The following NRXN1 variants were observed in gnomAD, a reference collection of about 807,000 sequenced individuals.
NRXN1 encodes neurexin-1.
Under a neutral mutation model 150.9 loss-of-function variants are expected in NRXN1, and 39 were observed. The observed-to-expected ratio is 0.26, with a 90% confidence interval of 0.20 to 0.34. NRXN1 has a LOEUF of 0.34. Ranked by LOEUF, NRXN1 falls within the 10% of genes least tolerant of loss-of-function variation. The pLI is 1.00. For synonymous variants in NRXN1, 924 were observed against 757.0 expected (o/e 1.22, Z -3.62); for missense variants, 1,815 against 1,949.9 (o/e 0.93, Z 1.30).
chr2:50,622,960 T>G (rs139607006), intron 6 of NRXN1, among the ~76,000 whole-genome samples: 26 of 152,244 alleles, frequency 1.7e-4, no homozygotes, highest in African/African-American at 6.0e-4. Flanking sequence ...GACCCCAATG[T>G]GCATGCTTCC....
intron 5 of NRXN1, among the ~76,000 whole-genome samples, chr2:50,910,567 T>C (rs545663597): frequency 3.3e-5 from 5 of 151,926 alleles, no homozygotes; most frequent in African/African-American, 7.2e-5. Context: ...GCATCTTTCA[T>C]GTACCAAGCT....
intron 5 of NRXN1, among the ~76,000 whole-genome samples, chr2:50,819,123 T>C (rs974236514): frequency 6.6e-6 from 1 of 152,128 alleles, no homozygotes; most frequent in African/African-American, 2.4e-5. Context: ...TGGAGGTTCC[T>C]CAAACAATTA....
intron 18 of NRXN1, among the ~76,000 whole-genome samples, chr2:50,152,714 T>C (rs1345774604): frequency 2.0e-5 from 3 of 151,836 alleles, no homozygotes; most frequent in African/African-American, 7.2e-5. Context: ...AAGGATGACA[T>C]GTATGAATGA....
At position 51,027,944 on chromosome 2, in the gene NRXN1, G is replaced by C; in HGVS notation, c.330C>G (p.Asn110Lys). Reference sequence around the variant, plus strand: ...TGCGCACGCTGTGCCAGGCGCCGTCGTTAACCGGCGTGTCGGCCAGGAGCG... The same window carrying C: ...TGCGCACGCTGTGCCAGGCGCCGTCCTTAACCGGCGTGTCGGCCAGGAGCG... ...PATLLADTPV[N>K]DGAWHSVRIR... Residue 110 changes from asparagine (N) to lysine (K), a missense_variant, in exon 2 of 23, where the codon AAC (asparagine) becomes AAG (lysine). This residue lies in a region of NRXN1 where 554 missense variants were observed against 478.8 expected (regional missense o/e 1.16). Coordinates refer to ENST00000401669, the MANE Select transcript of NRXN1 (RefSeq NM_001330078.2). 6.2e-7 allele frequency: 1 copy of C among 1,603,718 alleles called. No homozygotes were observed. Among genetic ancestry groups the C allele is most frequent in the Non-Finnish European group, 8.5e-7 (1 of 1,179,600 alleles).
chr2:50,628,623 T>C (rs1681639301), intron 5 of NRXN1, among the ~76,000 whole-genome samples: 1 of 151,652 alleles, frequency 6.6e-6, no homozygotes, highest in Non-Finnish European at 1.5e-5. Context: ...AGCAGCAGAG[T>C]GTTTACATAT....
chr2:50,403,752 A>G (rs1286564443), intron 17 of NRXN1, among the ~76,000 whole-genome samples: 3 of 152,094 alleles, frequency 2.0e-5, no homozygotes, highest in Non-Finnish European at 4.4e-5. Flanking sequence ...CACATTTTAT[A>G]TTTGCCCTTA....
intron 8 of NRXN1, among the ~76,000 whole-genome samples, chr2:50,575,153 T>C (rs1671222266): frequency 6.6e-6 from 1 of 152,224 alleles, no homozygotes; most frequent in Non-Finnish European, 1.5e-5. Flanking sequence ...GAAGATAACA[T>C]TTTGAGATTC....
At chr2:50,424,339 G>C (rs1229757402) in intron 17 of NRXN1, among the ~76,000 whole-genome samples, 2 of 149,318 alleles carry the variant, frequency 1.3e-5, no homozygotes, top group African/African-American at 2.5e-5. Context: ...AGGGGGAGGA[G>C]GAGGAGGAAA....
At chr2:50,968,428 C>G (rs1224324199) in intron 2 of NRXN1, among the ~76,000 whole-genome samples, 1 of 151,970 alleles carries the variant, frequency 6.6e-6, no homozygotes, top group African/African-American at 2.4e-5. Context: ...ATTTTCTGAC[C>G]ACCAATTCCA....
intron 18 of NRXN1, among the ~76,000 whole-genome samples, chr2:50,098,855 T>G (rs1398328384): frequency 0.041 from 1,268 of 30,882 alleles, 95 homozygotes; most frequent in African/African-American, 0.14. Flanking sequence ...TTTTTTTTTT[T>G]TTTTTTTTTT....
chr2:50,274,632 A>AAAT (rs1306920300), intron 17 of NRXN1, among the ~76,000 whole-genome samples: 1 of 152,202 alleles, frequency 6.6e-6, no homozygotes, highest in Non-Finnish European at 1.5e-5. Context: ...AAATCTGTAA[A>AAAT]AATAGACATC....
intron 5 of NRXN1, among the ~76,000 whole-genome samples, chr2:50,703,554 T>C (rs1045805754): frequency 9.9e-5 from 15 of 152,158 alleles, no homozygotes; most frequent in African/African-American, 3.6e-4. Flanking sequence ...AAGTATGTTT[T>C]GGTGATCAAT....
chr2:50,626,773 G>C (rs543559312), intron 5 of NRXN1, among the ~76,000 whole-genome samples: 1 of 151,806 alleles, frequency 6.6e-6, no homozygotes, highest in South Asian at 2.1e-4. Flanking sequence ...AACAATGCTG[G>C]GTCATCAATA....
intron 21 of NRXN1, among the ~76,000 whole-genome samples, chr2:50,036,080 G>C (rs1573536395): frequency 1.3e-5 from 2 of 152,122 alleles, no homozygotes; most frequent in Admixed American, 1.3e-4. Context: ...GTATGATATG[G>C]CTTGGTTGTG....
rs189154486 is a variant in NRXN1 at position 50,684,721 on chromosome 2, T to C, written c.833-61106A>G. Among the ~76,000 whole-genome samples, 14 of 152,266 alleles carry C rather than the reference T, an allele frequency of 9.2e-5. No individual in the cohort carries two copies. The East Asian group carries it at 2.7e-3, about 29-fold the overall frequency. ...CGTCAATTGTAGATTATGACAAACATAAAGAGATAGTCTTTGCCAAGGTCC... is the reference window on the plus strand; with the variant it reads ...CGTCAATTGTAGATTATGACAAACACAAAGAGATAGTCTTTGCCAAGGTCC... On this transcript the variant is annotated intron_variant, in intron 5 of 22. Coordinates refer to ENST00000401669, the MANE Select transcript of NRXN1 (RefSeq NM_001330078.2).
intron 5 of NRXN1, among the ~76,000 whole-genome samples, chr2:50,718,370 G>A (rs965266308): frequency 6.6e-6 from 1 of 152,134 alleles, no homozygotes; most frequent in African/African-American, 2.4e-5. Context: ...TGAAGGCTGG[G>A]AGCTGGGAAG....
At chr2:50,856,039 T>G (rs1675228801) in intron 5 of NRXN1, among the ~76,000 whole-genome samples, 1 of 151,850 alleles carries the variant, frequency 6.6e-6, no homozygotes, top group Non-Finnish European at 1.5e-5. Context: ...TTTTTTTTTT[T>G]TCCACCATGG....
At chr2:51,009,718 T>C (rs900761081) in intron 2 of NRXN1, among the ~76,000 whole-genome samples, 5 of 151,982 alleles carry the variant, frequency 3.3e-5, no homozygotes, top group African/African-American at 1.2e-4. Flanking sequence ...TGAAACCAAT[T>C]TGAGACACAA....
chr2:50,057,628 A>T (rs2152635784), intron 19 of NRXN1, among the ~76,000 whole-genome samples: 1 of 152,332 alleles, frequency 6.6e-6, no homozygotes, highest in East Asian at 1.9e-4. Flanking sequence ...TTACTTGCAC[A>T]ATATCTATCA....
Sources: gnomAD v4.1 joint callset for allele counts (sites outside exome capture counted in the v4.1 genomes callset) on GRCh38, gnomAD v4.1.1 for gene constraint, gnomAD v4.1.1 regional missense constraint, MANE v1.5 for transcripts, NCBI Gene and HGNC (gene_info 2026-07-23, HGNC 2026-07-21) for gene names.